SREK1IP1: variants seen among roughly 807,000 people sequenced by gnomAD.
SREK1IP1 encodes SREK1 interacting protein 1, also known as protein SREK1IP1.
A neutral mutation model predicts 22.8 loss-of-function variants in SREK1IP1; 12 were observed. That is an observed-to-expected ratio of 0.53 (90% CI 0.34 to 0.85). The LOEUF (loss-of-function observed/expected upper bound fraction) is 0.85. Among genes scored for constraint, SREK1IP1 ranks in the 40% least tolerant of loss-of-function variants. SREK1IP1 has a pLI of 0.02. For missense variants in SREK1IP1, 147 were observed against 171.8 expected, an observed-to-expected ratio of 0.86 and a Z score of 0.81; for synonymous variants, 53 against 52.7, an observed-to-expected ratio of 1.01 and a Z score of -0.02.
chr5:64,754,543 C>T (rs1447513517), intron 1 of SREK1IP1, 181 bp from the exon 2 acceptor site: 5 of 539,488 alleles, frequency 9.3e-6, no homozygotes, highest in South Asian at 2.4e-5. Context: ...CAGCTCACTA[C>T]AGCCTCCAGC....
In SREK1IP1 at chr5:64,722,574, C is replaced by A. The variant is rs1438229938; in HGVS notation, c.*1810G>T. Reference sequence around the variant, plus strand: ...TTTTAAAAAAGCTTTATATTAAAAACCGATTTTTAAAATCTTGATAATCGA... The same window carrying A: ...TTTTAAAAAAGCTTTATATTAAAAAACGATTTTTAAAATCTTGATAATCGA... On this transcript the variant is annotated 3_prime_UTR_variant, in exon 5 of 5. Coordinates refer to ENST00000513458, the MANE Select transcript of SREK1IP1 (RefSeq NM_173829.4). The A allele has an allele frequency of 6.6e-6, 1 of 152,154 alleles. No individual in the cohort carries two copies. Among genetic ancestry groups the A allele is most frequent in the African/African-American group, 2.4e-5 (1 of 41,438 alleles). 9.4% of individuals were successfully genotyped at this position (152,154 alleles called of 1,614,324 possible). A position where few individuals can be genotyped will look rare whatever the true frequency, so the allele number is the denominator to read the frequency against.
At chr5:64,734,484 T>G (rs111982946) in intron 3 of SREK1IP1, among the ~76,000 whole-genome samples, 1,736 of 151,636 alleles carry the variant, frequency 0.011, 35 homozygotes, top group African/African-American at 0.039. Flanking sequence ...GAATTTTGAT[T>G]GTGATTCCTT....
At position 64,768,598 on chromosome 5, in the gene SREK1IP1, G is replaced by A. The variant is rs770907734; in HGVS notation, c.-81C>T. On this transcript the variant is annotated 5_prime_UTR_variant, in exon 1 of 5. Coordinates refer to ENST00000513458, the MANE Select transcript of SREK1IP1 (RefSeq NM_173829.4). ...CCGCCAGCTGTGAGAACAAGGCACAGTCAAAGCGGCGTTTTCCTTCCCCCA... is the reference window on the plus strand; with the variant it reads ...CCGCCAGCTGTGAGAACAAGGCACAATCAAAGCGGCGTTTTCCTTCCCCCA... The A allele has an allele frequency of 1.5e-5, 24 of 1,605,548 alleles. No individual in the cohort carries two copies. In the East Asian group the frequency reaches 3.1e-4, roughly 21 times the overall value.
chr5:64,744,396 CT>C (rs2112099459), intron 2 of SREK1IP1, among the ~76,000 whole-genome samples: 1 of 152,210 alleles, frequency 6.6e-6, no homozygotes, highest in South Asian at 2.1e-4. Context: ...TCTACTCCTG[CT>C]CTGAAACTTG....
intron 2 of SREK1IP1, among the ~76,000 whole-genome samples, chr5:64,746,554 A>C (rs1276155780): frequency 6.6e-6 from 1 of 152,246 alleles, no homozygotes; most frequent in Non-Finnish European, 1.5e-5. Context: ...TATAGAAGAA[A>C]TACAAATGGT....
In SREK1IP1 at chr5:64,721,406, C is replaced by G. The variant is rs1374166812; in HGVS notation, c.*2978G>C. On this transcript the variant is annotated 3_prime_UTR_variant, in exon 5 of 5. Coordinates refer to ENST00000513458, the MANE Select transcript of SREK1IP1 (RefSeq NM_173829.4). ...CAGCCTAGTTTACTCTGAAGGTAAACTAGGGTTATATAATTTTAGATACAG... is the reference window on the plus strand; with the variant it reads ...CAGCCTAGTTTACTCTGAAGGTAAAGTAGGGTTATATAATTTTAGATACAG... 1.3e-5 allele frequency: 2 copies of G among 152,066 alleles called. No homozygotes were observed. Among genetic ancestry groups the G allele is most frequent in the Non-Finnish European group, 2.9e-5 (2 of 68,034 alleles). 9.4% of individuals were successfully genotyped at this position (152,066 alleles called of 1,614,324 possible).
chr5:64,740,467 A>T (rs1188687198), intron 3 of SREK1IP1, among the ~76,000 whole-genome samples: 2 of 152,190 alleles, frequency 1.3e-5, no homozygotes, highest in Non-Finnish European at 2.9e-5. Context: ...CTTTGGTATA[A>T]GTAATAAAGA....
chr5:64,752,916 G>A (rs1305531818), intron 2 of SREK1IP1, among the ~76,000 whole-genome samples: 1 of 152,092 alleles, frequency 6.6e-6, no homozygotes, highest in Admixed American at 6.5e-5. Flanking sequence ...TTTTCCACAG[G>A]AGACAAATCA....
At chr5:64,751,826 C>T (rs1742746430) in intron 2 of SREK1IP1, among the ~76,000 whole-genome samples, 1 of 152,146 alleles carries the variant, frequency 6.6e-6, no homozygotes, top group Admixed American at 6.5e-5. Flanking sequence ...GGTTTACACA[C>T]ACAAGACTGA....
chr5:64,738,840 T>C (rs1742509057), intron 3 of SREK1IP1, among the ~76,000 whole-genome samples: 1 of 152,150 alleles, frequency 6.6e-6, no homozygotes, highest in Non-Finnish European at 1.5e-5. Flanking sequence ...AATGAAGATA[T>C]CTGAAAACAA....
chr5:64,742,140 A>C (rs2112097901), intron 2 of SREK1IP1, among the ~76,000 whole-genome samples: 4 of 152,278 alleles, frequency 2.6e-5, no homozygotes, highest in Admixed American at 2.6e-4. Flanking sequence ...TGATTTATCT[A>C]TGTTAACATA....
At position 64,720,598 on chromosome 5, in the gene SREK1IP1, CCT is replaced by C. The variant is rs1437056420; in HGVS notation, c.*3784_*3785del. ...TCTCAGCTTACTGCAACTTCCACCT[CCT>C]GGGTTTGAGCGATTCTCCTGCCCCA... is the stretch of plus-strand genomic sequence containing the variant. On this transcript the variant is annotated 3_prime_UTR_variant, in exon 5 of 5. Transcript: ENST00000513458. 1 of 151,742 alleles carries C rather than the reference CCT, an allele frequency of 6.6e-6. No individual in the cohort carries two copies. The highest frequency in any genetic ancestry group is 1.5e-5 in the Non-Finnish European group (1 of 68,042). The allele number at this position is 151,742 out of a possible 1,614,324, so 9.4% of individuals were successfully genotyped here. A position where few individuals can be genotyped will look rare whatever the true frequency, so the allele number is the denominator to read the frequency against.
chr5:64,731,764 AT>A (rs528308442), intron 3 of SREK1IP1, among the ~76,000 whole-genome samples: 16 of 151,816 alleles, frequency 1.1e-4, no homozygotes, highest in African/African-American at 2.4e-4. Context: ...AAGGAAAAAA[AT>A]AATGGCCAGA....
chr5:64,736,960 T>C (rs1297558503), intron 3 of SREK1IP1, among the ~76,000 whole-genome samples: 1 of 151,360 alleles, frequency 6.6e-6, no homozygotes, highest in Non-Finnish European at 1.5e-5. Context: ...GAATAACTAC[T>C]GCAAACATGC....
In SREK1IP1 at chr5:64,718,177, G is replaced by A. The variant is rs540665982; in HGVS notation, c.*6207C>T. On this transcript the variant is annotated 3_prime_UTR_variant, in exon 5 of 5. Coordinates refer to ENST00000513458, the MANE Select transcript of SREK1IP1 (RefSeq NM_173829.4). ...TGATCATTCAGTTACTTTATTAAACGCACATTAAGGTTTTATTGGTTTTCC... is the reference window on the plus strand; with the variant it reads ...TGATCATTCAGTTACTTTATTAAACACACATTAAGGTTTTATTGGTTTTCC... The A allele has an allele frequency of 5.8e-5, 32 of 547,646 alleles. No homozygotes were observed. Among genetic ancestry groups the A allele is most frequent in the Non-Finnish European group, 8.0e-5 (27 of 335,654 alleles). 33.9% of individuals were successfully genotyped at this position (547,646 alleles called of 1,614,324 possible).
chr5:64,764,877 T>C lies in SREK1IP1; in HGVS notation c.13+3628A>G, dbSNP rs75081906. Among the ~76,000 whole-genome samples the C allele has an allele frequency of 3.9e-3, 600 of 152,346 alleles. 3 individuals carry two copies. Among genetic ancestry groups the C allele is most frequent in the Non-Finnish European group, 6.6e-3 (448 of 68,026 alleles). Reference sequence around the variant, plus strand: ...AAAAATTGGATGTAATTGAGAATTCTTCTATTACTAAGATACTATCATAAT... The same window carrying C: ...AAAAATTGGATGTAATTGAGAATTCCTCTATTACTAAGATACTATCATAAT... On this transcript the variant is annotated intron_variant, in intron 1 of 4. Transcript: ENST00000513458.
intron 1 of SREK1IP1, among the ~76,000 whole-genome samples, chr5:64,768,156 T>C (rs985578986): frequency 1.1e-4 from 17 of 152,040 alleles, no homozygotes; most frequent in African/African-American, 4.1e-4. Flanking sequence ...GTGTTCCCAC[T>C]TCAAGTTTTA....
chr5:64,724,413 G>T lies in SREK1IP1; in HGVS notation c.439C>A (p.Pro147Thr). Reference protein sequence around the residue: ...KRKKEKHSSTPNSSEFSRK With the variant: ...KRKKEKHSSTTNSSEFSRK ...TTTCTGGAGAATTCAGAACTATTAG[G>T]TGTAGAAGAATGCTTTTCCTTTTTT... Residue 147 changes from proline to threonine, a missense_variant, in exon 5 of 5, where the codon CCT (proline) becomes ACT (threonine). Transcript: ENST00000513458. 6.3e-7 allele frequency: 1 copy of T among 1,578,822 alleles called. No individual in the cohort carries two copies. Among genetic ancestry groups the T allele is most frequent in the Non-Finnish European group, 8.5e-7 (1 of 1,170,172 alleles).
chr5:64,754,404 T>C (rs749514227), intron 1 of SREK1IP1, 42 bp from the exon 2 acceptor site: 8 of 1,576,172 alleles, frequency 5.1e-6, no homozygotes, highest in African/African-American at 1.4e-5. Context: ...TAAATAAATA[T>C]GCGAAAACTT....
Sources: gnomAD v4.1 joint callset for allele counts (sites outside exome capture counted in the v4.1 genomes callset) on GRCh38, gnomAD v4.1.1 for gene constraint, MANE v1.5 for transcripts, NCBI Gene and HGNC (gene_info 2026-07-23, HGNC 2026-07-21) for gene names.